Variants in IKZF4 observed in about 807,000 individuals in gnomAD.
IKZF4 encodes the protein IKAROS family zinc finger 4.
A neutral mutation model predicts 47.7 loss-of-function variants in IKZF4; 11 were observed. The ratio of observed to expected loss-of-function variants is 0.23; its 90% CI spans 0.15 to 0.38. The LOEUF (loss-of-function observed/expected upper bound fraction) is 0.38. Among genes scored for constraint, IKZF4 ranks in the 10% least tolerant of loss-of-function variants. The pLI is 1.00. For missense variants in IKZF4, 557 were observed against 784.9 expected (o/e 0.71, Z 3.47); for synonymous variants, 298 against 299.4 (o/e 1.00, Z 0.05).
rs1056070505 is a variant in IKZF4 at position 56,021,632 on chromosome 12, C to A, written c.87+52C>A. 4.5e-6 allele frequency: 7 copies of A among 1,557,776 alleles called. No individual in the cohort carries two copies. The Admixed American group carries it at 7.8e-5, about 17-fold the overall frequency. Reference sequence around the variant, plus strand: ...GGAGGGAGGAAGGGGGGTGCTGGGGCTAGGGAGCCAATTCAGTAACTACTC... The same window carrying A: ...GGAGGGAGGAAGGGGGGTGCTGGGGATAGGGAGCCAATTCAGTAACTACTC... On this transcript the variant is annotated intron_variant, in intron 1 of 7. Transcript: ENST00000547167.
upstream of IKZF4, among the ~76,000 whole-genome samples, chr12:56,017,451 G>C (rs1035361843): frequency 6.6e-6 from 1 of 151,868 alleles, no homozygotes; most frequent in Non-Finnish European, 1.5e-5. Context: ...ACTGAACCCA[G>C]CTTCTTAATA....
upstream of IKZF4, among the ~76,000 whole-genome samples, chr12:56,017,232 GC>G (rs533473779): frequency 4.2e-3 from 353 of 84,258 alleles, 1 homozygote; most frequent in South Asian, 0.016. Flanking sequence ...CTCCCCCCCC[GC>G]CCCCCCCGTC....
intron 1 of IKZF4, among the ~76,000 whole-genome samples, chr12:56,009,509 G>T (rs1891098751): frequency 6.6e-6 from 1 of 152,180 alleles, no homozygotes; most frequent in Non-Finnish European, 1.5e-5. Flanking sequence ...TAAAGCCAGA[G>T]AATCCAGACA....
At chr12:56,023,528 C>T (rs1217310062) in intron 1 of IKZF4, 143 bp from the exon 2 acceptor site, 1 of 1,029,726 alleles carries the variant, frequency 9.7e-7, no homozygotes, top group Admixed American at 3.2e-5. Flanking sequence ...CAGATTCAAG[C>T]CATAAGGCTT....
At chr12:56,027,153 G>A (rs905992966) in intron 4 of IKZF4, 112 bp downstream of exon 4, 7 of 1,082,852 alleles carry the variant, frequency 6.5e-6, no homozygotes, top group Non-Finnish European at 8.4e-6. Context: ...CAGGGAGTGG[G>A]TAGCCTCAGA....
chr12:56,019,581 G>A (rs940577455), upstream of IKZF4, among the ~76,000 whole-genome samples: 1 of 152,140 alleles, frequency 6.6e-6, no homozygotes, highest in East Asian at 1.9e-4. Context: ...TGTGAGGAGC[G>A]AGCCAGTCCT....
chr12:56,034,932 C>A lies in IKZF4; in HGVS notation c.1359C>A (p.Cys453Ter). The A allele has an allele frequency of 6.3e-7, 1 of 1,590,434 alleles. No individual in the cohort carries two copies. Among genetic ancestry groups the A allele is most frequent in the South Asian group, 1.1e-5 (1 of 88,780 alleles). ...CTGGGGCATCCCCCAGCAATGGCTG[C>A]CAGGACTCCACAGACACAGAAAGCA... The part of the protein sequence containing the change: ...TDPGASPSNG[C>*]QDSTDTESNH... The change falls in exon 8 of 8, where the codon TGC (cysteine) becomes TGA (stop). Residue 453 changes from cysteine (C) to a stop codon, truncating the protein, a stop_gained. Transcript: ENST00000547167. LOFTEE classifies it high-confidence loss of function.
At chr12:56,017,043 A>G (rs987795909), upstream of IKZF4, among the ~76,000 whole-genome samples, 4 of 151,984 alleles carry the variant, frequency 2.6e-5, no homozygotes, top group African/African-American at 9.7e-5. Flanking sequence ...TTTTGGAGGT[A>G]TGTAAATTTC....
chr12:56,034,804 G>A lies in IKZF4; in HGVS notation c.1231G>A (p.Gly411Ser), dbSNP rs1895467451. 1.5e-5 allele frequency: 24 copies of A among 1,613,984 alleles called. No individual in the cohort carries two copies. The highest frequency in any genetic ancestry group is 1.9e-5 in the Non-Finnish European group (23 of 1,179,878). Residue 411 changes from glycine (G) to serine (S), a missense_variant, in exon 8 of 8, where the codon GGT becomes AGT. This residue lies in a region of IKZF4 where 280 missense variants were observed against 314.0 expected (regional missense o/e 0.89). Transcript: ENST00000547167. ...SVYTQMQPLP[G>S]RLELPGSREA... Reference sequence around the variant, plus strand: ...CTACACCCAGATGCAGCCCCTCCCTGGTCGACTGGAGCTTCCAGGATCCCG... The same window carrying A: ...CTACACCCAGATGCAGCCCCTCCCTAGTCGACTGGAGCTTCCAGGATCCCG...
At chr12:56,023,910 G>A in intron 2 of IKZF4, 146 bp downstream of exon 2, 2 of 1,474,984 alleles carry the variant, frequency 1.4e-6, no homozygotes, top group Non-Finnish European at 1.8e-6. Flanking sequence ...ACACATCCAT[G>A]CATGTTCATG....
At chr12:56,031,505 T>C (rs1189867195) in intron 5 of IKZF4, among the ~76,000 whole-genome samples, 1 of 152,180 alleles carries the variant, frequency 6.6e-6, no homozygotes, top group African/African-American at 2.4e-5. Flanking sequence ...ATTTCATCCC[T>C]AAAATACAAG....
In IKZF4 at chr12:56,034,571, G is replaced by A; in HGVS notation, c.998G>A (p.Gly333Asp). The change falls in exon 8 of 8, where the codon GGC becomes GAC. Residue 333 changes from glycine to aspartate, a missense_variant and splice_region_variant. Around this residue, in one of 6 missense-constraint regions of IKZF4, gnomAD observed 280 missense variants for 314.0 expected, o/e 0.89. Transcript: ENST00000547167. ...CCTGCTGAGTTCCTGTTCTCCACAG[G>A]CGAAAAGCAGATGCGCTTCAGCCTC... is the stretch of plus-strand genomic sequence containing the variant. The part of the protein sequence containing the change: ...RKRSTPQKFV[G>D]EKQMRFSLSD... 6.2e-7 allele frequency: 1 copy of A among 1,600,998 alleles called. No homozygotes were observed. Among genetic ancestry groups the A allele is most frequent in the Non-Finnish European group, 8.5e-7 (1 of 1,171,948 alleles).
At chr12:56,032,834 C>T (rs1472001306) in intron 6 of IKZF4, 124 bp downstream of exon 6, 1 of 1,167,738 alleles carries the variant, frequency 8.6e-7, no homozygotes, top group Non-Finnish European at 1.2e-6. Flanking sequence ...ATGATTACCC[C>T]AGTAAATCTG....
chr12:56,009,299 T>C (rs561307981), intron 1 of IKZF4, among the ~76,000 whole-genome samples: 1 of 152,234 alleles, frequency 6.6e-6, no homozygotes, highest in African/African-American at 2.4e-5. Flanking sequence ...TCTGACTACC[T>C]AGAATATTTC....
rs1415195165 is a variant in IKZF4, at chr12:56,035,649, C to G, written c.*318C>G. ...TTATATCAGTCACTTGCCACTCCCC[C>G]ACCCTCCTGTCCACAACTCCTTTCC... On this transcript the variant is annotated 3_prime_UTR_variant, in exon 8 of 8. Coordinates refer to ENST00000547167, the MANE Select transcript of IKZF4 (RefSeq NM_022465.4). This position sits in a 1 kb window ranked among gnomAD's most constrained non-coding sequence, Gnocchi z 6.1. 1 of 238,978 alleles carries G rather than the reference C, an allele frequency of 4.2e-6. No homozygotes were observed. Among genetic ancestry groups the G allele is most frequent in the African/African-American group, 2.3e-5 (1 of 44,156 alleles). The allele number at this position is 238,978 out of a possible 1,614,324, so 14.8% of individuals were successfully genotyped here.
At chr12:56,026,670 CAA>C (rs1345800107) in intron 3 of IKZF4, 109 bp from the exon 4 acceptor site, 80 of 1,188,290 alleles carry the variant, frequency 6.7e-5, no homozygotes, top group Middle Eastern at 2.7e-4. Context: ...GCCTGGGCAA[CAA>C]GAGCGAAATT....
intron 2 of IKZF4, among the ~76,000 whole-genome samples, chr12:56,013,772 C>G (rs925678872): frequency 6.6e-6 from 1 of 152,138 alleles, no homozygotes; most frequent in Non-Finnish European, 1.5e-5. Context: ...CTGATTTGCT[C>G]CTGGTTTGCA....
At chr12:56,014,855 CT>C (rs1389483322) in intron 2 of IKZF4, among the ~76,000 whole-genome samples, 1 of 152,090 alleles carries the variant, frequency 6.6e-6, no homozygotes, top group Non-Finnish European at 1.5e-5. Context: ...AGTAGCCTGG[CT>C]TTTGAAAGGT....
chr12:56,012,713 G>A (rs1000382000), intron 2 of IKZF4, among the ~76,000 whole-genome samples: 4 of 152,166 alleles, frequency 2.6e-5, no homozygotes, highest in Admixed American at 6.6e-5. Context: ...GAGCCTGGTG[G>A]GAAATCTTCT....
Sources: gnomAD v4.1 joint callset for allele counts (sites outside exome capture counted in the v4.1 genomes callset) on GRCh38, gnomAD v4.1.1 for gene constraint, gnomAD v4.1.1 regional missense constraint, Gnocchi (gnomAD v3.1) non-coding constraint, MANE v1.5 for transcripts, NCBI Gene and HGNC (gene_info 2026-07-23, HGNC 2026-07-21) for gene names.